Variants in PTCHD4 observed in about 807,000 individuals in gnomAD.
PTCHD4 encodes the protein patched domain-containing protein 4.
In PTCHD4, 33 loss-of-function variants were observed where a neutral mutation model predicts 58.1. That is an observed-to-expected ratio of 0.57 (90% CI 0.43 to 0.76). PTCHD4 has a LOEUF of 0.76. Among genes scored for constraint, PTCHD4 ranks in the 30% least tolerant of loss-of-function variants. The pLI is 0.00. For missense variants in PTCHD4, 1,058 were observed against 1,027.1 expected (o/e 1.03, Z -0.41); for synonymous variants, 478 against 409.6 (o/e 1.17, Z -2.02).
chr6:48,025,726 AAATGCATATTGCTGTGTC>A (rs755985537), intron 3 of PTCHD4, among the ~76,000 whole-genome samples: 6 of 152,198 alleles, frequency 3.9e-5, no homozygotes, highest in Non-Finnish European at 8.8e-5. Context: ...AAGTCTTTTC[AAATGCATATTGCTGTGTC>A]AATGCATTGT....
In PTCHD4 at chr6:48,009,102, T is replaced by C. The variant is rs1762577553; in HGVS notation, c.430A>G (p.Ser144Gly). The C allele has an allele frequency of 1.2e-6, 2 of 1,606,286 alleles. No homozygotes were observed. Among genetic ancestry groups the C allele is most frequent in the Non-Finnish European group, 8.5e-7 (1 of 1,175,568 alleles). The change falls in exon 4 of 5, where the codon AGT becomes GGT. Residue 144 changes from serine to glycine, a missense_variant. Ser to Gly is a moderately conservative substitution (Grantham distance 56). Coordinates refer to ENST00000339488, the MANE Select transcript of PTCHD4 (RefSeq NM_001384253.1). ...AVLEMKDGRNSFIGHQLGGVV... is the reference protein window; with the variant it reads ...AVLEMKDGRNGFIGHQLGGVV... ...CCGCCCAGTTGGTGTCCAATAAAACTGTTCCTCCCATCCTTGAAAACAGAA... is the reference window on the plus strand; with the variant it reads ...CCGCCCAGTTGGTGTCCAATAAAACCGTTCCTCCCATCCTTGAAAACAGAA...
intron 4 of PTCHD4, among the ~76,000 whole-genome samples, chr6:47,951,921 C>A (rs115844725): frequency 1.2e-3 from 186 of 151,982 alleles, no homozygotes; most frequent in African/African-American, 4.3e-3. Context: ...CTGAAGTTAC[C>A]TCAAAGTTCT....
chr6:48,027,612 G>T (rs967820827), intron 3 of PTCHD4, among the ~76,000 whole-genome samples: 1 of 151,974 alleles, frequency 6.6e-6, no homozygotes, highest in Non-Finnish European at 1.5e-5. Context: ...TAAACTACTG[G>T]AACATTCATT....
intron 4 of PTCHD4, among the ~76,000 whole-genome samples, chr6:47,928,027 A>G (rs940485053): frequency 6.6e-6 from 1 of 152,166 alleles, no homozygotes; most frequent in Non-Finnish European, 1.5e-5. Flanking sequence ...ATTTTAAATC[A>G]CATAAAATAC....
Position 47,878,262 on chromosome 6 carries a change from G to A in PTCHD4, c.*41C>T. The stretch of plus-strand genomic sequence containing the variant: ...AGCTTTACTTGCCCTGCATCATTGT[G>A]CAATACTGGAAAAGAAAAATAATCC... On this transcript the variant is annotated 3_prime_UTR_variant, in exon 5 of 5. Transcript: ENST00000339488. The A allele has an allele frequency of 2.0e-6, 3 of 1,511,014 alleles. No individual in the cohort carries two copies. Among genetic ancestry groups the A allele is most frequent in the Non-Finnish European group, 2.7e-6 (3 of 1,123,466 alleles). The allele number at this position is 1,511,014 out of a possible 1,614,324, so 93.6% of individuals were successfully genotyped here. A position where few individuals can be genotyped will look rare whatever the true frequency, so the allele number is the denominator to read the frequency against.
intron 3 of PTCHD4, among the ~76,000 whole-genome samples, chr6:48,026,387 C>T (rs1490898109): frequency 1.3e-5 from 2 of 152,110 alleles, no homozygotes; most frequent in Non-Finnish European, 2.9e-5. Context: ...TTTTTGTTAA[C>T]ATGATTTTGC....
intron 1 of PTCHD4, among the ~76,000 whole-genome samples, chr6:48,070,845 G>A (rs1764963776): frequency 6.6e-6 from 1 of 152,042 alleles, no homozygotes; most frequent in South Asian, 2.1e-4. Context: ...GGAAAGTTTT[G>A]GCTATACAGC....
intron 3 of PTCHD4, among the ~76,000 whole-genome samples, chr6:48,062,724 T>A (rs989373662): frequency 6.6e-6 from 1 of 152,134 alleles, no homozygotes; most frequent in Non-Finnish European, 1.5e-5. Context: ...GATCAAAGTC[T>A]TTCAGTAGCA....
At chr6:47,966,089 A>T (rs1041213326) in intron 4 of PTCHD4, among the ~76,000 whole-genome samples, 9 of 152,314 alleles carry the variant, frequency 5.9e-5, no homozygotes, top group Non-Finnish European at 1.2e-4. Flanking sequence ...TGGTTTCAAG[A>T]CTTTTCAGCA....
At position 47,861,738 on chromosome 6, in the gene PTCHD4, G is replaced by A. The variant is rs146026247; in HGVS notation, c.*16565C>T. ...CCAATGTCTCATAACAAATGTTTCAGTGAAAGCAAATAGTTACTTTCTTCT... is the reference window on the plus strand; with the variant it reads ...CCAATGTCTCATAACAAATGTTTCAATGAAAGCAAATAGTTACTTTCTTCT... On this transcript the variant is annotated 3_prime_UTR_variant, in exon 5 of 5. Transcript: ENST00000339488. Among the ~76,000 whole-genome samples, 90 of 152,032 alleles carry A rather than the reference G, an allele frequency of 5.9e-4. No homozygotes were observed. Among genetic ancestry groups the A allele is most frequent in the African/African-American group, 2.1e-3 (87 of 41,546 alleles).
At chr6:47,945,821 C>T (rs549803828) in intron 4 of PTCHD4, among the ~76,000 whole-genome samples, 1 of 151,646 alleles carries the variant, frequency 6.6e-6, no homozygotes, top group African/African-American at 2.4e-5. Flanking sequence ...TAATTTTCTT[C>T]ATAAAGCTCT....
intron 3 of PTCHD4, among the ~76,000 whole-genome samples, chr6:48,031,029 C>A (rs562700695): frequency 6.6e-6 from 1 of 151,992 alleles, no homozygotes; most frequent in African/African-American, 2.4e-5. Flanking sequence ...GAACAAAAGG[C>A]GAAACTGACA....
intron 4 of PTCHD4, among the ~76,000 whole-genome samples, chr6:48,004,591 C>T (rs534692718): frequency 6.6e-6 from 1 of 152,250 alleles, no homozygotes; most frequent in East Asian, 1.9e-4. Context: ...GGATGTTAGG[C>T]TAGCACTAAA....
chr6:47,990,768 A>C (rs1261164728), intron 4 of PTCHD4, among the ~76,000 whole-genome samples: 1 of 152,180 alleles, frequency 6.6e-6, no homozygotes, highest in Non-Finnish European at 1.5e-5. Flanking sequence ...ATAATCTTGA[A>C]AAAGTATCTT....
At chr6:47,943,560 C>A (rs1170458421) in intron 4 of PTCHD4, among the ~76,000 whole-genome samples, 2 of 152,092 alleles carry the variant, frequency 1.3e-5, no homozygotes, top group Non-Finnish European at 1.5e-5. Flanking sequence ...AAATACATTT[C>A]TCAAGCTCAT....
intron 4 of PTCHD4, among the ~76,000 whole-genome samples, chr6:47,990,391 G>A (rs1263297561): frequency 6.6e-6 from 1 of 152,072 alleles, no homozygotes; most frequent in Non-Finnish European, 1.5e-5. Flanking sequence ...ATATGGTTTG[G>A]TTGTGTCCCC....
Position 47,862,481 on chromosome 6 carries a change from A to G in PTCHD4, c.*15822T>C, listed in dbSNP as rs1328034541. On this transcript the variant is annotated 3_prime_UTR_variant, in exon 5 of 5. Transcript: ENST00000339488. Reference sequence around the variant, plus strand: ...TTTTCAAAAGAATGAAAAATAAAATATCAACCTGTTTATTTATTTGGTTTC... The same window carrying G: ...TTTTCAAAAGAATGAAAAATAAAATGTCAACCTGTTTATTTATTTGGTTTC... Among the ~76,000 whole-genome samples the G allele has an allele frequency of 6.6e-6, 1 of 151,816 alleles. No homozygotes were observed. Among genetic ancestry groups the G allele is most frequent in the Admixed American group, 6.6e-5 (1 of 15,216 alleles).
intron 3 of PTCHD4, among the ~76,000 whole-genome samples, chr6:48,020,932 C>T (rs1412473197): frequency 1.3e-5 from 2 of 151,866 alleles, no homozygotes; most frequent in East Asian, 3.9e-4. Context: ...TTGATTGACT[C>T]ACCAACAAAA....
intron 4 of PTCHD4, among the ~76,000 whole-genome samples, chr6:47,967,869 G>A (rs1300425812): frequency 2.0e-5 from 3 of 152,170 alleles, no homozygotes; most frequent in Non-Finnish European, 2.9e-5. Flanking sequence ...TTAAGGGAAT[G>A]TTGTGGCTGG....
Sources: allele counts gnomAD v4.1 joint callset (sites outside exome capture counted in the v4.1 genomes callset), GRCh38; gene constraint gnomAD v4.1.1; transcripts MANE v1.5; gene names NCBI Gene and HGNC (gene_info 2026-07-23, HGNC 2026-07-21).